Variants in PPP1R10 observed in about 807,000 individuals in gnomAD.
PPP1R10 encodes serine/threonine-protein phosphatase 1 regulatory subunit 10.
PPP1R10 carries 15 observed loss-of-function variants against 99.0 expected under a neutral mutation model. The observed-to-expected ratio is 0.15, with a 90% CI of 0.10 to 0.23. PPP1R10 has a LOEUF of 0.23. PPP1R10 is among the 10% of genes least tolerant of loss of function. PPP1R10 has a pLI of 1.00. For synonymous variants in PPP1R10, 430 were observed against 449.5 expected (o/e 0.96, Z 0.55); for missense variants, 947 against 1,259.4 (o/e 0.75, Z 3.75).
Position 30,604,801 on chromosome 6 carries a change from G to A in PPP1R10, c.955-66C>T. 1 of 1,602,362 alleles carries A rather than the reference G, an allele frequency of 6.2e-7. No individual in the cohort carries two copies. Among genetic ancestry groups the A allele is most frequent in the Admixed American group, 1.7e-5 (1 of 59,900 alleles). ...GCCAAGGGCAAGGCAATTAGTCCAGGGTCCCAGGCACAGTCCCCCAACAGT... is the reference window on the plus strand; with the variant it reads ...GCCAAGGGCAAGGCAATTAGTCCAGAGTCCCAGGCACAGTCCCCCAACAGT... On this transcript the variant is annotated intron_variant, in intron 11 of 19. Coordinates refer to ENST00000376511, the MANE Select transcript of PPP1R10 (RefSeq NM_002714.4). The surrounding 1 kb of genome is among the most constrained non-coding windows in gnomAD (Gnocchi z 7.3).
At position 30,604,326 on chromosome 6, in the gene PPP1R10, C is replaced by T; in HGVS notation, c.1261+27G>A. On this transcript the variant is annotated intron_variant, in intron 13 of 19. Coordinates refer to ENST00000376511, the MANE Select transcript of PPP1R10 (RefSeq NM_002714.4). The surrounding 1 kb of genome is among the most constrained non-coding windows in gnomAD (Gnocchi z 7.3). Reference sequence around the variant, plus strand: ...GTCCTTTCAAAATCCCTTAAACACACCTATTACGTAGGAAATGACCTCTTA... The same window carrying T: ...GTCCTTTCAAAATCCCTTAAACACATCTATTACGTAGGAAATGACCTCTTA... The T allele has an allele frequency of 6.2e-7, 1 of 1,614,084 alleles. No homozygotes were observed. The highest frequency in any genetic ancestry group is 8.5e-7 in the Non-Finnish European group (1 of 1,179,952).
chr6:30,615,228 G>C (rs1174126671), intron 2 of PPP1R10, among the ~76,000 whole-genome samples: 2 of 110,146 alleles, frequency 1.8e-5, no homozygotes, highest in South Asian at 2.9e-4. Context: ...CACCTTTTTA[G>C]TAAAAAAAAA....
chr6:30,609,269 T>C lies in PPP1R10; in HGVS notation c.108-106A>G, dbSNP rs1183108790. The C allele has an allele frequency of 2.9e-6, 3 of 1,029,844 alleles. No individual in the cohort carries two copies. Among genetic ancestry groups the C allele is most frequent in the South Asian group, 2.7e-5 (2 of 73,276 alleles). The allele number at this position is 1,029,844 out of a possible 1,614,324, so 63.8% of individuals were successfully genotyped here. Reference sequence around the variant, plus strand: ...AGAGATTCCTAATGACTTGGGACTTTGCTCCAGAGAAGGGGAGTCACATAT... The same window carrying C: ...AGAGATTCCTAATGACTTGGGACTTCGCTCCAGAGAAGGGGAGTCACATAT... On this transcript the variant is annotated intron_variant, in intron 3 of 19. Coordinates refer to ENST00000376511, the MANE Select transcript of PPP1R10 (RefSeq NM_002714.4). This position sits in a 1 kb window ranked among gnomAD's most constrained non-coding sequence, Gnocchi z 4.5.
chr6:30,602,796 G>C lies in PPP1R10; in HGVS notation c.1957+50C>G. The C allele has an allele frequency of 6.5e-7, 1 of 1,546,778 alleles. No individual in the cohort carries two copies. The highest frequency in any genetic ancestry group is 8.8e-7 in the Non-Finnish European group (1 of 1,139,930). Reference sequence around the variant, plus strand: ...TCCAGTCAATCCTATACTATTATCAGACTGAAATTAAGCAGATAAGCCCAT... The same window carrying C: ...TCCAGTCAATCCTATACTATTATCACACTGAAATTAAGCAGATAAGCCCAT... On this transcript the variant is annotated intron_variant, in intron 18 of 19. Transcript: ENST00000376511. The surrounding 1 kb of genome is among the most constrained non-coding windows in gnomAD (Gnocchi z 6.7).
At chr6:30,617,178 T>A (rs1243343755) in intron 1 of PPP1R10, 46 bp downstream of exon 1, 1 of 153,300 alleles carries the variant, frequency 6.5e-6, no homozygotes, top group African/African-American at 2.4e-5. Context: ...GATCCAACGC[T>A]CTCCGCAAAA....
chr6:30,604,618 G>A lies in PPP1R10; in HGVS notation c.1072C>T (p.Pro358Ser). The A allele has an allele frequency of 6.2e-7, 1 of 1,613,088 alleles. No homozygotes were observed. Among genetic ancestry groups the A allele is most frequent in the Non-Finnish European group, 8.5e-7 (1 of 1,180,038 alleles). The change falls in exon 12 of 20, where the codon CCT becomes TCT. Residue 358 changes from proline to serine, a missense_variant. This residue lies in a region of PPP1R10 where 100 missense variants were observed against 105.8 expected (regional missense o/e 0.94). Coordinates refer to ENST00000376511, the MANE Select transcript of PPP1R10 (RefSeq NM_002714.4). The surrounding 1 kb of genome is among the most constrained non-coding windows in gnomAD (Gnocchi z 7.3). ...TCCATGAGCTCCGGGACTTCAACAG[G>A]GGGAACCGGGGTGCCTGGACGGTCT... ...DADRPGTPVP[P>S]VEVPELMDTA...
In PPP1R10 at chr6:30,603,285, C is replaced by A; in HGVS notation, c.1768G>T (p.Gly590Cys). The A allele has an allele frequency of 2.5e-6, 4 of 1,612,288 alleles. No individual in the cohort carries two copies. The highest frequency in any genetic ancestry group is 3.4e-6 in the Non-Finnish European group (4 of 1,178,380). ...NVQEILTSIM[G>C]SPNSHPSEEL... ...TCTGAAGGATGACTGTTTGGGCTAC[C>A]CTGTGAGGATGTAAGAAGGCAAAGT... Residue 590 changes from glycine (G) to cysteine (C), a missense_variant and splice_region_variant, in exon 17 of 20, where the codon GGT (glycine) becomes TGT (cysteine). Transcript: ENST00000376511.
chr6:30,616,509 G>A lies in PPP1R10; in HGVS notation c.-43C>T, dbSNP rs1350591376. The A allele has an allele frequency of 2.6e-5, 4 of 152,366 alleles. No homozygotes were observed. The highest frequency in any genetic ancestry group is 5.9e-5 in the Non-Finnish European group (4 of 68,008). The allele number at this position is 152,366 out of a possible 1,614,324, so 9.4% of individuals were successfully genotyped here. ...ATTTTTTTGCGACGTCAGCACCTCGGGCTCAGGGGGGAGGGGGTAAAATTT... is the reference window on the plus strand; with the variant it reads ...ATTTTTTTGCGACGTCAGCACCTCGAGCTCAGGGGGGAGGGGGTAAAATTT... On this transcript the variant is annotated 5_prime_UTR_variant, in exon 2 of 20. Coordinates refer to ENST00000376511, the MANE Select transcript of PPP1R10 (RefSeq NM_002714.4).
chr6:30,601,370 A>G lies in PPP1R10; in HGVS notation c.*179T>C. Reference sequence around the variant, plus strand: ...CTCCCCAGACTGGAGGAAAATATGTACATCAATGCGCACCAGTGATCAGAA... The same window carrying G: ...CTCCCCAGACTGGAGGAAAATATGTGCATCAATGCGCACCAGTGATCAGAA... On this transcript the variant is annotated 3_prime_UTR_variant, in exon 20 of 20. Coordinates refer to ENST00000376511, the MANE Select transcript of PPP1R10 (RefSeq NM_002714.4). The G allele has an allele frequency of 1.7e-6, 1 of 596,192 alleles. No homozygotes were observed. The highest frequency in any genetic ancestry group is 3.0e-6 in the Non-Finnish European group (1 of 333,828). 36.9% of individuals were successfully genotyped at this position (596,192 alleles called of 1,614,324 possible).
chr6:30,609,896 T>C lies in PPP1R10; in HGVS notation c.49A>G (p.Ser17Gly), dbSNP rs1201900783. Residue 17 changes from serine to glycine, a missense_variant, in exon 3 of 20, where the codon AGC (serine) becomes GGC (glycine). Coordinates refer to ENST00000376511, the MANE Select transcript of PPP1R10 (RefSeq NM_002714.4). The surrounding 1 kb of genome is among the most constrained non-coding windows in gnomAD (Gnocchi z 4.5). Reference sequence around the variant, plus strand: ...ACTTCCCCATCTCGGTTAAGGAAGCTGTCCAGGCCCTTGAGAAGTTCTTTG... The same window carrying C: ...ACTTCCCCATCTCGGTTAAGGAAGCCGTCCAGGCCCTTGAGAAGTTCTTTG... ...DPKELLKGLD[S>G]FLNRDGEVKS... is the part of the protein sequence containing the mutation. 1 of 1,614,158 alleles carries C rather than the reference T, an allele frequency of 6.2e-7. No individual in the cohort carries two copies. The highest frequency in any genetic ancestry group is 8.5e-7 in the Non-Finnish European group (1 of 1,180,014).
chr6:30,615,514 C>A (rs938872817), intron 2 of PPP1R10, among the ~76,000 whole-genome samples: 7 of 152,082 alleles, frequency 4.6e-5, no homozygotes, highest in African/African-American at 1.7e-4. Flanking sequence ...CAACCTGCAA[C>A]GCCGCTTGGA....
At position 30,603,277 on chromosome 6, in the gene PPP1R10, T is replaced by C. The variant is rs143758510; in HGVS notation, c.1776A>G (p.Pro592=). 68 of 1,612,976 alleles carry C rather than the reference T, an allele frequency of 4.2e-5. No homozygotes were observed. In the African/African-American group the frequency reaches 6.4e-4, roughly 15 times the overall value. The change falls in exon 17 of 20, where the codon CCA becomes CCG. Residue 592 remains proline, a synonymous_variant. Coordinates refer to ENST00000376511, the MANE Select transcript of PPP1R10 (RefSeq NM_002714.4). ...GTAGTTCCTCTGAAGGATGACTGTT[T>C]GGGCTACCCTGTGAGGATGTAAGAA... ...QEILTSIMGS[P]NSHPSEELLK...
chr6:30,600,730 T>C lies in PPP1R10; in HGVS notation c.*819A>G, dbSNP rs1415930396. The C allele has an allele frequency of 1.3e-5, 2 of 152,490 alleles. No individual in the cohort carries two copies. The highest frequency in any genetic ancestry group is 4.8e-5 in the African/African-American group (2 of 41,400). 9.4% of individuals were successfully genotyped at this position (152,490 alleles called of 1,614,324 possible). A position where few individuals can be genotyped will look rare whatever the true frequency, so the allele number is the denominator to read the frequency against. On this transcript the variant is annotated 3_prime_UTR_variant, in exon 20 of 20. Coordinates refer to ENST00000376511, the MANE Select transcript of PPP1R10 (RefSeq NM_002714.4). ...TGAGCTGACTCCCAAAGGCAGTGCA[T>C]GTAGTGTGACTTTCAGGCCCAGCAC...
In PPP1R10 at chr6:30,606,246, G is replaced by A. The variant is rs138350050; in HGVS notation, c.635-3C>T. ...GGATGGTGTCTCCAGCTCTAGTCCT[G>A]GGGAAAGAAGCACGGTGTGGGCAGC... On this transcript the variant is annotated splice_polypyrimidine_tract_variant and splice_region_variant and intron_variant, in intron 8 of 19. Coordinates refer to ENST00000376511, the MANE Select transcript of PPP1R10 (RefSeq NM_002714.4). The surrounding 1 kb of genome is among the most constrained non-coding windows in gnomAD (Gnocchi z 6.3). The A allele has an allele frequency of 3.4e-3, 5,541 of 1,613,584 alleles. 171 individuals are homozygous for A. In the South Asian group the frequency reaches 0.043, roughly 13 times the overall value.
Position 30,601,564 on chromosome 6 carries a change from C to T in PPP1R10, c.2808G>A (p.Gly936=), listed in dbSNP as rs748317650. ...NCAFYHPGVN[G]PPLP is the part of the protein sequence containing the mutation. ...CAAATGGTCCCTAGGGCAGGGGGGG[C>T]CCATTGACACCCGGGTGGTAGAAGG... The change falls in exon 20 of 20, where the codon GGG becomes GGA. Residue 936 remains glycine (G), a synonymous_variant. Transcript: ENST00000376511. The T allele has an allele frequency of 1.2e-6, 2 of 1,613,868 alleles. No homozygotes were observed. Among genetic ancestry groups the T allele is most frequent in the Admixed American group, 3.3e-5 (2 of 60,008 alleles).
chr6:30,613,820 C>A (rs999039464), intron 2 of PPP1R10, among the ~76,000 whole-genome samples: 2 of 152,044 alleles, frequency 1.3e-5, no homozygotes, highest in African/African-American at 2.4e-5. Flanking sequence ...GTTCAGCTCC[C>A]AAGGAAGATA....
Position 30,601,677 on chromosome 6 carries a change from AAC to A in PPP1R10, c.2714-21_2714-20del, listed in dbSNP as rs1482874477. 6.2e-7 allele frequency: 1 copy of A among 1,608,146 alleles called. No individual in the cohort carries two copies. Among genetic ancestry groups the A allele is most frequent in the Non-Finnish European group, 8.5e-7 (1 of 1,174,958 alleles). On this transcript the variant is annotated intron_variant, in intron 19 of 19. Coordinates refer to ENST00000376511, the MANE Select transcript of PPP1R10 (RefSeq NM_002714.4). ...GACATGTCTGTGGGAACGATGGCAA[AAC>A]AGTTAGACAGGAAATAGCTGAGGGC...
Position 30,609,010 on chromosome 6 carries a change from C to G in PPP1R10, c.194+67G>C. 6.2e-7 allele frequency: 1 copy of G among 1,610,902 alleles called. No individual in the cohort carries two copies. The highest frequency in any genetic ancestry group is 8.5e-7 in the Non-Finnish European group (1 of 1,177,272). On this transcript the variant is annotated intron_variant, in intron 4 of 19. Transcript: ENST00000376511. The surrounding 1 kb of genome is among the most constrained non-coding windows in gnomAD (Gnocchi z 4.5). ...CAGTCTCCCATCAATGACCGAGGAA[C>G]CCCATGCCTCACCGCCCCATCTTTT...
intron 6 of PPP1R10, among the ~76,000 whole-genome samples, 186 bp downstream of exon 6, chr6:30,607,654 C>T (rs962306272): frequency 3.9e-5 from 6 of 152,028 alleles, no homozygotes; most frequent in African/African-American, 1.5e-4. Context: ...AAATGAACAA[C>T]TTTGGAATTG....
Sources: allele counts gnomAD v4.1 joint callset (sites outside exome capture counted in the v4.1 genomes callset), GRCh38; gene constraint gnomAD v4.1.1; regional missense constraint gnomAD v4.1.1; non-coding constraint Gnocchi (gnomAD v3.1); transcripts MANE v1.5; gene names NCBI Gene and HGNC (gene_info 2026-07-23, HGNC 2026-07-21).